The following CADM2 variants were observed in gnomAD, a reference collection of about 807,000 sequenced individuals.
CADM2 encodes the protein cell adhesion molecule 2, also known as immunoglobulin superfamily member 4D.
A neutral mutation model predicts 49.8 loss-of-function variants in CADM2; 12 were observed. The ratio of observed to expected loss-of-function variants is 0.24; its 90% confidence interval spans 0.15 to 0.39. The LOEUF is 0.39. CADM2 is among the 10% of genes least tolerant of loss of function. The pLI is 1.00. For synonymous variants in CADM2, 214 were observed against 175.4 expected, an observed-to-expected ratio of 1.22 and a Z score of -1.74; for missense variants, 378 against 492.3, an observed-to-expected ratio of 0.77 and a Z score of 2.20.
At chr3:86,051,482 C>T (rs920509775) in intron 8 of CADM2, among the ~76,000 whole-genome samples, 7 of 152,148 alleles carry the variant, frequency 4.6e-5, no homozygotes, top group African/African-American at 1.2e-4. Context: ...GTTCCAAAGT[C>T]GTTTCCACAT....
intron 1 of CADM2, among the ~76,000 whole-genome samples, chr3:85,038,726 G>A (rs140848639): frequency 6.6e-6 from 1 of 152,196 alleles, no homozygotes; most frequent in African/African-American, 2.4e-5. Flanking sequence ...GATCTACTTA[G>A]CATATAGTAA....
intron 1 of CADM2, among the ~76,000 whole-genome samples, chr3:85,346,018 A>G (rs2030605733): frequency 6.6e-6 from 1 of 152,236 alleles, no homozygotes; most frequent in Non-Finnish European, 1.5e-5. Flanking sequence ...TTAAGAGCAT[A>G]TAAGAGTTTT....
intron 1 of CADM2, among the ~76,000 whole-genome samples, chr3:85,376,640 A>G (rs1028309929): frequency 6.6e-6 from 1 of 152,064 alleles, no homozygotes; most frequent in Non-Finnish European, 1.5e-5. Context: ...TTTATTTGGA[A>G]CTTGCTGATG....
At chr3:86,036,121 G>A (rs981033297) in intron 8 of CADM2, among the ~76,000 whole-genome samples, 15 of 151,916 alleles carry the variant, frequency 9.9e-5, no homozygotes, top group African/African-American at 3.6e-4. Flanking sequence ...TGAATTTGGG[G>A]GAACACAAAC....
chr3:85,351,549 T>C (rs188265828), intron 1 of CADM2, among the ~76,000 whole-genome samples: 2 of 152,242 alleles, frequency 1.3e-5, no homozygotes. Flanking sequence ...ACCTGCTCAA[T>C]TTGATCTGGG....
At chr3:86,055,270 T>G (rs1737785270) in intron 8 of CADM2, among the ~76,000 whole-genome samples, 1 of 151,986 alleles carries the variant, frequency 6.6e-6, no homozygotes, top group Non-Finnish European at 1.5e-5. Flanking sequence ...ACCAATTGGG[T>G]AGTTTATAAA....
intron 1 of CADM2, among the ~76,000 whole-genome samples, chr3:85,219,263 T>G (rs2041995627): frequency 6.6e-6 from 1 of 152,218 alleles, no homozygotes; most frequent in Non-Finnish European, 1.5e-5. Context: ...GACTTTGTTT[T>G]TAGTTGATTT....
intron 6 of CADM2, among the ~76,000 whole-genome samples, chr3:85,918,772 CTT>C (rs1718716815): frequency 2.0e-5 from 3 of 152,190 alleles, no homozygotes; most frequent in African/African-American, 7.2e-5. Flanking sequence ...GGAAAAACCA[CTT>C]TTAAAAATTA....
intron 1 of CADM2, among the ~76,000 whole-genome samples, chr3:85,460,091 T>C (rs2038172292): frequency 6.6e-6 from 1 of 152,196 alleles, no homozygotes; most frequent in African/African-American, 2.4e-5. Context: ...CATATCTTGA[T>C]ACCTTAAACT....
intron 1 of CADM2, among the ~76,000 whole-genome samples, chr3:85,157,626 T>C (rs1323915706): frequency 6.6e-6 from 1 of 152,148 alleles, no homozygotes; most frequent in Non-Finnish European, 1.5e-5. Context: ...CTGGGAAAAC[T>C]GGCTAGCCAT....
At chr3:85,374,615 T>C (rs2033476825) in intron 1 of CADM2, among the ~76,000 whole-genome samples, 1 of 152,152 alleles carries the variant, frequency 6.6e-6, no homozygotes, top group South Asian at 2.1e-4. Context: ...GACTGGGTAA[T>C]CTATAAAGTA....
At chr3:85,852,269 C>A (rs538498933) in intron 3 of CADM2, among the ~76,000 whole-genome samples, 2 of 152,180 alleles carry the variant, frequency 1.3e-5, no homozygotes, top group Admixed American at 6.5e-5. Flanking sequence ...ACATAATAGG[C>A]ACTCAATAAA....
At chr3:85,522,440 A>G (rs1031722777) in intron 1 of CADM2, among the ~76,000 whole-genome samples, 2 of 152,150 alleles carry the variant, frequency 1.3e-5, no homozygotes, top group African/African-American at 2.4e-5. Context: ...AATTTCTGCC[A>G]TTTCTTTATA....
At chr3:85,117,467 C>A (rs2038679212) in intron 1 of CADM2, among the ~76,000 whole-genome samples, 1 of 152,202 alleles carries the variant, frequency 6.6e-6, no homozygotes, top group South Asian at 2.1e-4. Flanking sequence ...AGAGCAATGT[C>A]ATGAGCCATC....
chr3:85,234,319 C>T (rs1011623610), intron 1 of CADM2, among the ~76,000 whole-genome samples: 1 of 152,044 alleles, frequency 6.6e-6, no homozygotes. Context: ...AATTAAACAG[C>T]ATAATATAGT....
At chr3:85,643,101 T>G (rs2064772228) in intron 1 of CADM2, among the ~76,000 whole-genome samples, 1 of 152,164 alleles carries the variant, frequency 6.6e-6, no homozygotes, top group Non-Finnish European at 1.5e-5. Context: ...TTGTTCATAG[T>G]TCAATTTCTT....
chr3:85,558,900 A>C (rs2107165878), intron 1 of CADM2, among the ~76,000 whole-genome samples: 1 of 152,242 alleles, frequency 6.6e-6, no homozygotes, highest in African/African-American at 2.4e-5. Flanking sequence ...TCTCTTGTGT[A>C]TAAACCATTG....
chr3:85,417,409 C>A (rs1270807372), intron 1 of CADM2, among the ~76,000 whole-genome samples: 1 of 152,116 alleles, frequency 6.6e-6, no homozygotes, highest in Non-Finnish European at 1.5e-5. Flanking sequence ...GGCCCAACAC[C>A]AGTACTTGGC....
At chr3:85,795,514 C>T (rs1173505174) in intron 2 of CADM2, among the ~76,000 whole-genome samples, 2 of 152,088 alleles carry the variant, frequency 1.3e-5, no homozygotes, top group African/African-American at 4.8e-5. Context: ...ACTTCAAAGT[C>T]AGAATACATG....
Sources: gnomAD v4.1 joint callset for allele counts (sites outside exome capture counted in the v4.1 genomes callset) on GRCh38, gnomAD v4.1.1 for gene constraint, MANE v1.5 for transcripts, NCBI Gene and HGNC (gene_info 2026-07-23, HGNC 2026-07-21) for gene names.